The following CDHR2 variants were observed in gnomAD, a reference collection of about 807,000 sequenced individuals.
The protein encoded by CDHR2 is cadherin related family member 2.
In CDHR2, 104 loss-of-function variants were observed where a neutral mutation model predicts 138.6. The ratio of observed to expected loss-of-function variants is 0.75; its 90% CI spans 0.64 to 0.88. The LOEUF (loss-of-function observed/expected upper bound fraction) is 0.88, where lower values mean the gene tolerates loss of function less well. Among genes scored for constraint, CDHR2 ranks in the 40% least tolerant of loss-of-function variants. CDHR2 has a pLI of 0.00. For synonymous variants in CDHR2, 755 were observed against 742.8 expected (o/e 1.02, Z -0.27); for missense variants, 1,624 against 1,727.6 (o/e 0.94, Z 1.06).
Position 176,592,768 on chromosome 5 carries a change from T to G in CDHR2, c.3780T>G (p.Ser1260Arg), listed in dbSNP as rs745755277. ...DDNSVDVDKN[S>R]QEIKEHRPPH... Reference sequence around the variant, plus strand: ...ACTCTGTGGATGTGGACAAGAACAGTCAGGAAATCAAGGCAAGATGGGGGA... The same window carrying G: ...ACTCTGTGGATGTGGACAAGAACAGGCAGGAAATCAAGGCAAGATGGGGGA... The change falls in exon 31 of 32, where the codon AGT becomes AGG. Residue 1260 changes from serine (S) to arginine (R), a missense_variant. Ser to Arg is a moderately radical substitution (Grantham distance 110). Transcript: ENST00000261944. 6.2e-7 allele frequency: 1 copy of G among 1,613,756 alleles called. No individual in the cohort carries two copies. The highest frequency in any genetic ancestry group is 1.1e-5 in the South Asian group (1 of 91,074).
At chr5:176,567,000 A>G (rs1210230274) in intron 3 of CDHR2, 1 of 456,204 alleles carries the variant, frequency 2.2e-6, no homozygotes, top group African/African-American at 2.0e-5. Flanking sequence ...AGAGACACCA[A>G]GGGGTATTGA....
At position 176,577,495 on chromosome 5, in the gene CDHR2, G is replaced by A. The variant is rs1383047188; in HGVS notation, c.1291G>A (p.Val431Met). The change falls in exon 13 of 32, where the codon GTG becomes ATG. Residue 431 changes from valine (V) to methionine (M), a missense_variant. By Grantham distance (21) the Val-to-Met change is conservative. Transcript: ENST00000261944. ...ERAVGSASVQ[V>M]LVRVSALVDY... ...GGCAGTGGGCTCAGCCTCCGTTCAG[G>A]TGCTGGTGAGAGTATCCGCGCTGGT... The A allele has an allele frequency of 1.2e-6, 2 of 1,612,314 alleles. No homozygotes were observed. Among genetic ancestry groups the A allele is most frequent in the Admixed American group, 3.4e-5 (2 of 59,698 alleles).
rs142354187 is a variant in CDHR2, at chr5:176,575,978, C to T, written c.987C>T (p.Tyr329=). 5.8e-5 allele frequency: 94 copies of T among 1,613,786 alleles called. 1 individual carries two copies. Among genetic ancestry groups the T allele is most frequent in the African/African-American group, 4.7e-4 (35 of 74,874 alleles). Residue 329 remains tyrosine (Y), a synonymous_variant, in exon 12 of 32, where the codon TAC becomes TAT. Transcript: ENST00000261944. ...CCACCGAGACACACCTCAACATCTACGGGCAGGAGGCCAAGGTGAGCATCT... is the reference window on the plus strand; with the variant it reads ...CCACCGAGACACACCTCAACATCTATGGGCAGGAGGCCAAGGTGAGCATCT... ...VTATETHLNI[Y]GQEAKVSIWV... is the part of the protein sequence containing the mutation.
In CDHR2 at chr5:176,553,076, T is replaced by C. The variant is rs1209134858; in HGVS notation, c.-16+3662T>C. Among the ~76,000 whole-genome samples the C allele has an allele frequency of 6.6e-6, 1 of 151,852 alleles. No individual in the cohort carries two copies. Among genetic ancestry groups the C allele is most frequent in the Non-Finnish European group, 1.5e-5 (1 of 67,962 alleles). On this transcript the variant is annotated intron_variant, in intron 1 of 31. Coordinates refer to ENST00000261944, the MANE Select transcript of CDHR2 (RefSeq NM_017675.6). The surrounding 1 kb of genome is among the most constrained non-coding windows in gnomAD (Gnocchi z 4.3). ...AGGGGGGAGTTGGGAGACACTTCCA[T>C]GAGGGAGAAGCGTGGCGTGTATGGG...
At position 176,585,855 on chromosome 5, in the gene CDHR2, C is replaced by A. The variant is rs148885295; in HGVS notation, c.2735-99C>A. 30 of 915,464 alleles carry A rather than the reference C, an allele frequency of 3.3e-5. 2 individuals carry two copies. In the African/African-American group the frequency reaches 4.2e-4, roughly 13 times the overall value. 56.7% of individuals were successfully genotyped at this position (915,464 alleles called of 1,614,324 possible). A position where few individuals can be genotyped will look rare whatever the true frequency, so the allele number is the denominator to read the frequency against. On this transcript the variant is annotated intron_variant, in intron 19 of 31. Coordinates refer to ENST00000261944, the MANE Select transcript of CDHR2 (RefSeq NM_017675.6). ...GCTGCGGGGCACGGGGTTGAGGCTG[C>A]GGGGCATGGGGTTGAGGCTGTGGGG...
At chr5:176,574,251 C>T (rs949813969) in intron 7 of CDHR2, 79 bp downstream of exon 7, 11 of 1,084,916 alleles carry the variant, frequency 1.0e-5, no homozygotes, top group Middle Eastern at 2.0e-4. Flanking sequence ...AGGGCCTGAA[C>T]GTTGGGGTGG....
At chr5:176,580,386 G>A (rs1758502013) in intron 16 of CDHR2, among the ~76,000 whole-genome samples, 1 of 150,498 alleles carries the variant, frequency 6.6e-6, no homozygotes, top group Admixed American at 6.6e-5. Flanking sequence ...AAAATTAGCT[G>A]GGTGTGGTGG....
chr5:176,595,415 G>A, intron 31 of CDHR2, 117 bp from the exon 32 acceptor site: 1 of 1,185,478 alleles, frequency 8.4e-7, no homozygotes, highest in Non-Finnish European at 1.1e-6. Flanking sequence ...GGGGCAGGGT[G>A]GGACCCCTGC....
intron 30 of CDHR2, 66 bp downstream of exon 30, chr5:176,591,550 G>GGTGT: frequency 8.5e-7 from 1 of 1,173,538 alleles, no homozygotes; most frequent in Non-Finnish European, 1.3e-6. Context: ...GGTGGTGGTG[G>GGTGT]TGATGGTGTT....
chr5:176,573,762 G>T (rs1758288574), intron 6 of CDHR2, among the ~76,000 whole-genome samples: 1 of 152,208 alleles, frequency 6.6e-6, no homozygotes, highest in African/African-American at 2.4e-5. Context: ...ATAGGCTGTA[G>T]AGAGCACATG....
chr5:176,595,572 A>G lies in CDHR2; in HGVS notation c.3833A>G (p.Glu1278Gly). 1 of 1,612,360 alleles carries G rather than the reference A, an allele frequency of 6.2e-7. No homozygotes were observed. Among genetic ancestry groups the G allele is most frequent in the Non-Finnish European group, 8.5e-7 (1 of 1,179,062 alleles). The change falls in exon 32 of 32, where the codon GAG becomes GGG. Residue 1278 changes from glutamate to glycine, a missense_variant. By Grantham distance (98) the Glu-to-Gly change is moderately conservative (BLOSUM62 -2). Transcript: ENST00000261944. ...CACACACCACCAGAGCCAGATCCAG[A>G]GCCCCTGAGCGTGGTCCTGTTAGGA... The part of the protein sequence containing the change: ...PPHTPPEPDP[E>G]PLSVVLLGRQ...
intron 17 of CDHR2, 148 bp from the exon 18 acceptor site, chr5:176,584,042 G>A: frequency 1.4e-6 from 1 of 705,600 alleles, no homozygotes; most frequent in South Asian, 1.7e-5. Context: ...TCCTCTCAGA[G>A]CCTGTCTCCT....
At chr5:176,552,952 C>A (rs1393468410) in intron 1 of CDHR2, among the ~76,000 whole-genome samples, 1 of 152,182 alleles carries the variant, frequency 6.6e-6, no homozygotes, top group African/African-American at 2.4e-5. Context: ...AGGGGAGAGA[C>A]TGTGCGTGCA....
Position 176,577,470 on chromosome 5 carries a change from G to A in CDHR2, c.1266G>A (p.Arg422=), listed in dbSNP as rs35538480. 0.014 allele frequency: 22,754 copies of A among 1,610,668 alleles called. 211 individuals carry two copies. Among genetic ancestry groups the A allele is most frequent in the Non-Finnish European group, 0.017 (20,331 of 1,178,862 alleles). Reference sequence around the variant, plus strand: ...AAGCCTTCAGCGTCTCCCCGGAGCGGGCAGTGGGCTCAGCCTCCGTTCAGG... The same window carrying A: ...AAGCCTTCAGCGTCTCCCCGGAGCGAGCAGTGGGCTCAGCCTCCGTTCAGG... ...DAEAFSVSPE[R]AVGSASVQVL... The change falls in exon 13 of 32, where the codon CGG becomes CGA. Residue 422 remains arginine (R), a synonymous_variant. Transcript: ENST00000261944.
chr5:176,594,827 T>C (rs1758980099), intron 31 of CDHR2, among the ~76,000 whole-genome samples: 1 of 152,038 alleles, frequency 6.6e-6, no homozygotes, highest in Non-Finnish European at 1.5e-5. Context: ...GGGGCCTGGC[T>C]GTTCCACAGG....
Position 176,575,121 on chromosome 5 carries a change from G to A in CDHR2, c.533G>A (p.Arg178Gln), listed in dbSNP as rs376788030. The change falls in exon 8 of 32, where the codon CGG (arginine) becomes CAG (glutamine). Residue 178 changes from arginine (R) to glutamine (Q), a missense_variant. Arg to Gln is a conservative substitution (Grantham distance 43). This residue lies in a region of CDHR2 where 1,061 missense variants were observed against 1,136.6 expected (regional missense o/e 0.93). Coordinates refer to ENST00000261944, the MANE Select transcript of CDHR2 (RefSeq NM_017675.6). Reference protein sequence around the residue: ...PSTGDSEHLFRILANGSIVLN... With the variant: ...PSTGDSEHLFQILANGSIVLN... ...ACTGGGGACAGCGAGCATCTCTTCC[G>A]GATCCTGGCCAATGGCTCCATAGTC... 1.1e-4 allele frequency: 175 copies of A among 1,614,018 alleles called. No individual in the cohort carries two copies. The highest frequency in any genetic ancestry group is 1.4e-4 in the Non-Finnish European group (167 of 1,180,042).
intron 24 of CDHR2, 144 bp downstream of exon 24, chr5:176,589,760 C>A: frequency 1.3e-6 from 1 of 742,528 alleles, no homozygotes; most frequent in Non-Finnish European, 2.3e-6. Context: ...TGTACTTTCA[C>A]CTGCACGACG....
intron 1 of CDHR2, among the ~76,000 whole-genome samples, chr5:176,563,455 T>C (rs941512074): frequency 1.3e-5 from 2 of 152,038 alleles, no homozygotes; most frequent in African/African-American, 2.4e-5. Flanking sequence ...TTGGCTTTTC[T>C]CGAGGCCAGT....
In CDHR2 at chr5:176,589,428, C is replaced by A. The variant is rs748286948; in HGVS notation, c.3107C>A (p.Thr1036Asn). The change falls in exon 23 of 32, where the codon ACC (threonine) becomes AAC (asparagine). Residue 1036 changes from threonine to asparagine, a missense_variant. Coordinates refer to ENST00000261944, the MANE Select transcript of CDHR2 (RefSeq NM_017675.6). ...PSLGPFLEAT[T>N]TLNLFTVDQS... ...TTGGGTCCTTTCCTGGAAGCCACCACCACCCTGAATGTGAGTGCTGGTCCC... is the reference window on the plus strand; with the variant it reads ...TTGGGTCCTTTCCTGGAAGCCACCAACACCCTGAATGTGAGTGCTGGTCCC... 2 of 1,597,364 alleles carry A rather than the reference C, an allele frequency of 1.3e-6. No individual in the cohort carries two copies. The highest frequency in any genetic ancestry group is 1.7e-6 in the Non-Finnish European group (2 of 1,169,658).
Sources: allele counts gnomAD v4.1 joint callset (sites outside exome capture counted in the v4.1 genomes callset), GRCh38; gene constraint gnomAD v4.1.1; regional missense constraint gnomAD v4.1.1; non-coding constraint Gnocchi (gnomAD v3.1); transcripts MANE v1.5; gene names NCBI Gene and HGNC (gene_info 2026-07-23, HGNC 2026-07-21).